Variants in HCN1 observed in about 807,000 individuals in gnomAD.
HCN1 encodes potassium/sodium hyperpolarization-activated cyclic nucleotide-gated channel 1.
In HCN1, 13 loss-of-function variants were observed where a neutral mutation model predicts 78.9. The ratio of observed to expected loss-of-function variants is 0.16; its 90% CI spans 0.11 to 0.26. The LOEUF is 0.26. Among genes scored for constraint, HCN1 ranks in the 10% least tolerant of loss-of-function variants. HCN1 has a pLI of 1.00. For missense variants in HCN1, 810 were observed against 1,154.3 expected, an observed-to-expected ratio of 0.70 and a Z score of 4.32; for synonymous variants, 552 against 455.5, an observed-to-expected ratio of 1.21 and a Z score of -2.70.
intron 3 of HCN1, among the ~76,000 whole-genome samples, chr5:45,459,757 T>A (rs929501710): frequency 6.6e-6 from 1 of 152,082 alleles, no homozygotes; most frequent in Admixed American, 6.6e-5. Flanking sequence ...AAAATAATAA[T>A]TTTTTACCAA....
intron 5 of HCN1, among the ~76,000 whole-genome samples, chr5:45,317,996 A>G (rs1561103657): frequency 6.6e-6 from 1 of 152,214 alleles, no homozygotes; most frequent in African/African-American, 2.4e-5. Context: ...CCATTGTGGA[A>G]GACAGTGTGG....
At chr5:45,372,225 A>G (rs1333797334) in intron 4 of HCN1, among the ~76,000 whole-genome samples, 1,033 of 74,656 alleles carry the variant, frequency 0.014, 54 homozygotes, top group African/African-American at 0.059. Context: ...TATAATATAT[A>G]TAATATATAT....
chr5:45,357,290 TC>T (rs2111987484), intron 4 of HCN1, among the ~76,000 whole-genome samples: 1 of 152,216 alleles, frequency 6.6e-6, no homozygotes, highest in African/African-American at 2.4e-5. Context: ...CATATAGAAT[TC>T]TAGGTTGAAC....
In HCN1 at chr5:45,539,400, C is replaced by T. The variant is rs186669635; in HGVS notation, c.850-77393G>A. On this transcript the variant is annotated intron_variant, in intron 2 of 7. Coordinates refer to ENST00000303230, the MANE Select transcript of HCN1 (RefSeq NM_021072.4). ...AAATAAGGCCGGGTGTGGTGGCTCACGCCTGTAATCCCAGCACTTTGGGAG... is the reference window on the plus strand; with the variant it reads ...AAATAAGGCCGGGTGTGGTGGCTCATGCCTGTAATCCCAGCACTTTGGGAG... 3.2e-4 allele frequency among the ~76,000 whole-genome samples: 49 copies of T among 151,254 alleles called. 1 individual carries two copies. The East Asian group carries it at 7.2e-3, about 22-fold the overall frequency.
intron 2 of HCN1, among the ~76,000 whole-genome samples, chr5:45,542,414 T>A (rs1360482173): frequency 3.3e-5 from 5 of 152,160 alleles, no homozygotes; most frequent in African/African-American, 1.2e-4. Flanking sequence ...TCAGAATTTT[T>A]TTTCTGGTGC....
At chr5:45,397,462 G>T (rs976341463) in intron 3 of HCN1, among the ~76,000 whole-genome samples, 5 of 151,770 alleles carry the variant, frequency 3.3e-5, no homozygotes, top group Non-Finnish European at 7.4e-5. Context: ...AAAAAAAATT[G>T]CAAGCTCAAT....
chr5:45,649,743 T>C (rs1745641667), intron 1 of HCN1, among the ~76,000 whole-genome samples: 1 of 152,148 alleles, frequency 6.6e-6, no homozygotes, highest in Non-Finnish European at 1.5e-5. Flanking sequence ...ATAAGATAGA[T>C]AGCATCTAAG....
At chr5:45,337,698 G>A (rs1160335689) in intron 5 of HCN1, among the ~76,000 whole-genome samples, 2 of 151,912 alleles carry the variant, frequency 1.3e-5, no homozygotes, top group Non-Finnish European at 2.9e-5. Context: ...AAATATTAAG[G>A]GCAAATAAGA....
intron 4 of HCN1, among the ~76,000 whole-genome samples, chr5:45,358,672 C>T (rs138237214): frequency 2.6e-4 from 39 of 152,208 alleles, no homozygotes; most frequent in Admixed American, 1.2e-3. Context: ...CCCAAATATA[C>T]CTCTTTGACA....
At chr5:45,419,689 T>G (rs1025285895) in intron 3 of HCN1, among the ~76,000 whole-genome samples, 1 of 152,182 alleles carries the variant, frequency 6.6e-6, no homozygotes, top group Non-Finnish European at 1.5e-5. Context: ...AAGGAAAATG[T>G]GACCAGTACT....
intron 5 of HCN1, among the ~76,000 whole-genome samples, chr5:45,315,008 G>C (rs1745948915): frequency 6.6e-6 from 1 of 152,082 alleles, no homozygotes; most frequent in South Asian, 2.1e-4. Context: ...AGATCAACGA[G>C]ACAGAAAGTT....
At chr5:45,569,126 C>G (rs1053300322) in intron 2 of HCN1, among the ~76,000 whole-genome samples, 2 of 152,110 alleles carry the variant, frequency 1.3e-5, no homozygotes, top group African/African-American at 4.8e-5. Context: ...TGCTAAGTTA[C>G]CTCCAGCTAA....
At chr5:45,555,856 A>G (rs1197924047) in intron 2 of HCN1, among the ~76,000 whole-genome samples, 1 of 152,004 alleles carries the variant, frequency 6.6e-6, no homozygotes, top group Non-Finnish European at 1.5e-5. Context: ...GCATAAAAGC[A>G]GAGACATAGA....
chr5:45,567,911 T>TACACAC (rs10601970), intron 2 of HCN1, among the ~76,000 whole-genome samples: 3 of 144,716 alleles, frequency 2.1e-5, no homozygotes, highest in African/African-American at 5.1e-5. Context: ...ATATGTGAAG[T>TACACAC]ACACACACAC....
intron 5 of HCN1, among the ~76,000 whole-genome samples, chr5:45,305,071 T>C (rs114469833): frequency 1.4e-3 from 220 of 152,280 alleles, no homozygotes; most frequent in African/African-American, 4.0e-3. Context: ...ACTGCATTTG[T>C]GATTTTGTGT....
rs554167995 is a variant in HCN1 at position 45,368,948 on chromosome 5, C to A, written c.1231-15702G>T. ...TGTGGAGGTTTTAGAATGTTTCCAT[C>A]CGTTCCAAAAGTTCCCTCATTCACC... On this transcript the variant is annotated intron_variant, in intron 4 of 7. Coordinates refer to ENST00000303230, the MANE Select transcript of HCN1 (RefSeq NM_021072.4). Among the ~76,000 whole-genome samples the A allele has an allele frequency of 1.1e-3, 168 of 152,092 alleles. 1 individual carries two copies. The highest frequency in any genetic ancestry group is 3.9e-3 in the African/African-American group (163 of 41,530).
chr5:45,383,462 G>A (rs932522816), intron 4 of HCN1, among the ~76,000 whole-genome samples: 6 of 152,142 alleles, frequency 3.9e-5, no homozygotes, highest in South Asian at 4.1e-4. Context: ...TTGGGAGGCC[G>A]AGGCGGACGA....
At chr5:45,513,680 C>T (rs1388751337) in intron 2 of HCN1, among the ~76,000 whole-genome samples, 2 of 152,144 alleles carry the variant, frequency 1.3e-5, no homozygotes, top group Non-Finnish European at 2.9e-5. Context: ...TTGCACGTTA[C>T]CCTTATGAGA....
chr5:45,333,353 A>G (rs1282953848), intron 5 of HCN1, among the ~76,000 whole-genome samples: 3 of 151,754 alleles, frequency 2.0e-5, no homozygotes, highest in East Asian at 3.9e-4. Flanking sequence ...TTTTTCCTAT[A>G]GAGTTGTTTG....
Sources: gnomAD v4.1 joint callset for allele counts (sites outside exome capture counted in the v4.1 genomes callset) on GRCh38, gnomAD v4.1.1 for gene constraint, MANE v1.5 for transcripts, NCBI Gene and HGNC (gene_info 2026-07-23, HGNC 2026-07-21) for gene names.